The following BPIFB1 variants were observed in gnomAD, a reference collection of about 807,000 sequenced individuals.
The protein encoded by BPIFB1 is BPI fold containing family B member 1, also known as BPI fold-containing family B member 1.
A neutral mutation model predicts 55.1 loss-of-function variants in BPIFB1; 34 were observed. The observed-to-expected ratio is 0.62, with a 90% CI of 0.47 to 0.82. The LOEUF (loss-of-function observed/expected upper bound fraction) is 0.82. Ranked by LOEUF, BPIFB1 falls within the 40% of genes least tolerant of loss-of-function variation. The probability of loss-of-function intolerance (pLI) is 0.00; values close to 1 mark genes in which losing one functional copy is unlikely to be tolerated. For synonymous variants in BPIFB1, 236 were observed against 245.3 expected, an observed-to-expected ratio of 0.96 and a Z score of 0.35; for missense variants, 532 against 593.1, an observed-to-expected ratio of 0.90 and a Z score of 1.07.
At chr20:33,293,799 C>T (rs893404310) in intron 6 of BPIFB1, among the ~76,000 whole-genome samples, 4 of 152,168 alleles carry the variant, frequency 2.6e-5, no homozygotes, top group Non-Finnish European at 5.9e-5. Context: ...CACAGTTGTG[C>T]CACTGCACTC....
chr20:33,302,643 G>A (rs1045138120), intron 10 of BPIFB1: 4 of 634,178 alleles, frequency 6.3e-6, no homozygotes, highest in South Asian at 3.8e-5. Flanking sequence ...GGTTCTAGGG[G>A]CCATGAGAAC....
intron 3 of BPIFB1, 134 bp from the exon 4 acceptor site, chr20:33,289,751 A>G (rs1980394152): frequency 4.2e-6 from 3 of 720,104 alleles, no homozygotes; most frequent in Admixed American, 2.0e-5. Flanking sequence ...GACCATCTGG[A>G]GAGGAGTCGG....
At chr20:33,289,396 A>T (rs1011668429) in intron 3 of BPIFB1, among the ~76,000 whole-genome samples, 1 of 91,304 alleles carries the variant, frequency 1.1e-5, no homozygotes, top group Non-Finnish European at 2.3e-5. Context: ...AAAAAAAAAC[A>T]AAAAAAAAAA....
chr20:33,288,474 C>T (rs1173796768), intron 2 of BPIFB1, among the ~76,000 whole-genome samples: 1 of 152,160 alleles, frequency 6.6e-6, no homozygotes, highest in Admixed American at 6.5e-5. Context: ...CCGACACTCC[C>T]CACAGAGGCT....
chr20:33,288,250 T>G (rs1432302249), intron 2 of BPIFB1, among the ~76,000 whole-genome samples: 2 of 152,248 alleles, frequency 1.3e-5, no homozygotes, highest in African/African-American at 4.8e-5. Flanking sequence ...TTGACACTTA[T>G]GCCTCTGTCC....
chr20:33,287,953 A>T (rs1980325010), intron 2 of BPIFB1, among the ~76,000 whole-genome samples: 1 of 152,192 alleles, frequency 6.6e-6, no homozygotes, highest in Non-Finnish European at 1.5e-5. Context: ...CAAAAAAGAA[A>T]TATTCACTGG....
chr20:33,287,407 C>T (rs1223471842), intron 2 of BPIFB1, among the ~76,000 whole-genome samples: 1 of 152,192 alleles, frequency 6.6e-6, no homozygotes, highest in African/African-American at 2.4e-5. Context: ...ACAGAAACCA[C>T]ACAGTAAATG....
intron 1 of BPIFB1, among the ~76,000 whole-genome samples, chr20:33,283,521 C>T (rs1007665069): frequency 1.3e-5 from 2 of 152,136 alleles, no homozygotes; most frequent in Admixed American, 1.3e-4. Flanking sequence ...CTGCACATAC[C>T]AGTTGCTCTG....
chr20:33,285,403 G>C (rs570885407), intron 1 of BPIFB1, among the ~76,000 whole-genome samples: 1 of 144,802 alleles, frequency 6.9e-6, no homozygotes, highest in Non-Finnish European at 1.5e-5. Flanking sequence ...CATTGTTGCT[G>C]GATTTTCTGT....
intron 1 of BPIFB1, among the ~76,000 whole-genome samples, 174 bp downstream of exon 1, chr20:33,283,428 G>A (rs371377618): frequency 6.6e-5 from 10 of 152,120 alleles, no homozygotes; most frequent in African/African-American, 1.4e-4. Flanking sequence ...CAGCTCCCTC[G>A]CCCAGAGGAC....
intron 3 of BPIFB1, among the ~76,000 whole-genome samples, chr20:33,289,580 G>C (rs920850412): frequency 2.6e-5 from 4 of 152,196 alleles, no homozygotes; most frequent in Non-Finnish European, 5.9e-5. Flanking sequence ...CAGTCGGTCA[G>C]AATGGCTAGA....
At chr20:33,304,317 G>A (rs1184088633) in intron 12 of BPIFB1, among the ~76,000 whole-genome samples, 3 of 152,172 alleles carry the variant, frequency 2.0e-5, no homozygotes, top group African/African-American at 7.2e-5. Flanking sequence ...GAAGTGCAGG[G>A]CTCCAGCTGC....
intron 1 of BPIFB1, among the ~76,000 whole-genome samples, chr20:33,283,642 C>T (rs1056052996): frequency 6.6e-6 from 1 of 152,032 alleles, no homozygotes; most frequent in African/African-American, 2.4e-5. Flanking sequence ...GACCCAGGGA[C>T]ATGGGAGTGG....
At position 33,304,872 on chromosome 20, in the gene BPIFB1, C is replaced by G; in HGVS notation, c.1235C>G (p.Ser412Cys). 6.2e-7 allele frequency: 1 copy of G among 1,614,180 alleles called. No individual in the cohort carries two copies. The highest frequency in any genetic ancestry group is 8.5e-7 in the Non-Finnish European group (1 of 1,180,034). ...TCTGATCGGATCCAGCTGATGAACTCTGGGATTGGCTGGTTCCAAGTAAGT... is the reference window on the plus strand; with the variant it reads ...TCTGATCGGATCCAGCTGATGAACTGTGGGATTGGCTGGTTCCAAGTAAGT... The part of the protein sequence containing the change: ...ISSDRIQLMN[S>C]GIGWFQPDVL... The change falls in exon 13 of 16, where the codon TCT (serine) becomes TGT (cysteine). Residue 412 changes from serine (S) to cysteine (C), a missense_variant. Coordinates refer to ENST00000253354, the MANE Select transcript of BPIFB1 (RefSeq NM_033197.3).
intron 4 of BPIFB1, among the ~76,000 whole-genome samples, chr20:33,290,660 G>C (rs1980436789): frequency 6.6e-6 from 1 of 152,198 alleles, no homozygotes; most frequent in African/African-American, 2.4e-5. Flanking sequence ...AGAGGAGCAG[G>C]TCTGGGGAAG....
intron 15 of BPIFB1, among the ~76,000 whole-genome samples, chr20:33,308,764 A>G (rs1336241486): frequency 7.9e-6 from 1 of 127,276 alleles, no homozygotes; most frequent in Non-Finnish European, 1.6e-5. Flanking sequence ...TACACACCAC[A>G]CACATACACA....
intron 15 of BPIFB1, among the ~76,000 whole-genome samples, chr20:33,308,918 A>G (rs1319225741): frequency 6.6e-6 from 1 of 150,820 alleles, no homozygotes; most frequent in African/African-American, 2.4e-5. Context: ...ATACACAGAG[A>G]CGCACACATA....
rs1197690899 is a variant in BPIFB1, at chr20:33,290,053, C to T, written c.365+61C>T. The T allele has an allele frequency of 1.5e-5, 20 of 1,309,954 alleles. No homozygotes were observed. The Admixed American group carries it at 2.6e-4, about 17-fold the overall frequency. 81.1% of individuals were successfully genotyped at this position (1,309,954 alleles called of 1,614,324 possible). On this transcript the variant is annotated intron_variant, in intron 4 of 15. Coordinates refer to ENST00000253354, the MANE Select transcript of BPIFB1 (RefSeq NM_033197.3). ...CAGGCTCATCTGCTCGTTCCCCCTC[C>T]CCCGCCCCCACCATGCAGGTGTCTG... is the stretch of plus-strand genomic sequence containing the variant.
Position 33,285,781 on chromosome 20 carries a change from C to T in BPIFB1, c.-41-252C>T, listed in dbSNP as rs139678187. Among the ~76,000 whole-genome samples the T allele has an allele frequency of 2.4e-4, 37 of 152,158 alleles. No homozygotes were observed. In the East Asian group the frequency reaches 5.8e-3, roughly 24 times the overall value. On this transcript the variant is annotated intron_variant, in intron 1 of 15. Transcript: ENST00000253354. ...CAAGTGCTTACCATGTGAAAGACAC[C>T]GTGCTAAATGCTTTCCAGATATTAA...
Sources: allele counts gnomAD v4.1 joint callset (sites outside exome capture counted in the v4.1 genomes callset), GRCh38; gene constraint gnomAD v4.1.1; transcripts MANE v1.5; gene names NCBI Gene and HGNC (gene_info 2026-07-23, HGNC 2026-07-21).